Variants in SYNE1 observed in about 807,000 individuals in gnomAD.
SYNE1 encodes nesprin-1.
SYNE1 carries 616 observed loss-of-function variants against 1,111.0 expected under a neutral mutation model. That is an observed-to-expected ratio of 0.55 (90% CI 0.52 to 0.59). The LOEUF is 0.59. Among genes scored for constraint, SYNE1 ranks in the 20% least tolerant of loss-of-function variants. The pLI, the probability that SYNE1 is intolerant of heterozygous loss-of-function variation, is 0.00. For synonymous variants in SYNE1, 3,855 were observed against 3,825.8 expected (o/e 1.01, Z -0.28); for missense variants, 10,006 against 10,417.0 (o/e 0.96, Z 1.72).
chr6:152,513,449 G>A (rs937054442), intron 6 of SYNE1, among the ~76,000 whole-genome samples: 4 of 152,134 alleles, frequency 2.6e-5, no homozygotes, highest in Middle Eastern at 3.4e-3. Flanking sequence ...AGGTTCAAGC[G>A]ATTCTCCTGC....
chr6:152,159,932 G>A (rs778750019), intron 131 of SYNE1, among the ~76,000 whole-genome samples: 10 of 151,934 alleles, frequency 6.6e-5, no homozygotes, highest in Non-Finnish European at 1.0e-4. Context: ...TTAGAGCTAG[G>A]GTAATAATCA....
chr6:152,208,162 TG>T lies in SYNE1; in HGVS notation c.22633del (p.Gln7545ArgfsTer3). 6.2e-7 allele frequency: 1 copy of T among 1,614,106 alleles called. No homozygotes were observed. Among genetic ancestry groups the T allele is most frequent in the East Asian group, 2.2e-5 (1 of 44,868 alleles). On this transcript the variant is annotated frameshift_variant, in exon 125 of 146. Coordinates refer to ENST00000367255, the MANE Select transcript of SYNE1 (RefSeq NM_182961.4). LOFTEE classifies it high-confidence loss of function. Reference protein sequence around the residue: ...LKLTLLSNQWQGVIRRAQQRR... With the variant: ...LKLTLLSNQWXGVIRRAQQRR... ...CTGCTGGGCCCTGCGAATCACTCCC[TG>T]CCATTGATTACTGAGGAGTGTCAAT...
chr6:152,399,948 T>A, intron 47 of SYNE1, 125 bp from the exon 48 acceptor site: 1 of 1,113,944 alleles, frequency 9.0e-7, no homozygotes, highest in South Asian at 1.4e-5. Flanking sequence ...GGTGTATACA[T>A]TTTGGTGCGT....
chr6:152,271,349 G>A (rs964387073), intron 98 of SYNE1, among the ~76,000 whole-genome samples: 1 of 152,152 alleles, frequency 6.6e-6, no homozygotes, highest in Non-Finnish European at 1.5e-5. Context: ...GTAGGTAATA[G>A]TATATAAAAC....
intron 32 of SYNE1, among the ~76,000 whole-genome samples, chr6:152,439,796 A>G (rs921394730): frequency 1.3e-5 from 2 of 152,154 alleles, no homozygotes; most frequent in African/African-American, 4.8e-5. Context: ...CTACTAATTC[A>G]GTCTTTCTAT....
chr6:152,271,300 C>T (rs536468118), intron 98 of SYNE1, among the ~76,000 whole-genome samples: 4 of 152,186 alleles, frequency 2.6e-5, no homozygotes, highest in East Asian at 1.9e-4. Context: ...CTTTGCAAGG[C>T]GGTGTCGGTG....
At chr6:152,513,674 T>C (rs566955334) in intron 6 of SYNE1, among the ~76,000 whole-genome samples, 1 of 152,034 alleles carries the variant, frequency 6.6e-6, no homozygotes, top group Non-Finnish European at 1.5e-5. Context: ...AGAAAAACTA[T>C]CATCAGAGTG....
chr6:152,123,863 T>C (rs572083853), intron 145 of SYNE1, among the ~76,000 whole-genome samples: 5 of 152,208 alleles, frequency 3.3e-5, no homozygotes, highest in Admixed American at 6.5e-5. Flanking sequence ...AAGAAAGCAC[T>C]ATGTTTGTAG....
In SYNE1 at chr6:152,281,878, C is replaced by A. The variant is rs1438208105; in HGVS notation, c.18310G>T (p.Ala6104Ser). The change falls in exon 97 of 146, where the codon GCC (alanine) becomes TCC (serine). Residue 6104 changes from alanine (A) to serine (S), a missense_variant. By Grantham distance (99) the Ala-to-Ser change is moderately conservative. This residue lies in a region of SYNE1 where 99 missense variants were observed against 147.8 expected (regional missense o/e 0.67). Transcript: ENST00000367255. ...ELDSWLLSTK[A>S]TLDTALSPPK... is the part of the protein sequence containing the mutation. The stretch of plus-strand genomic sequence containing the variant: ...GGACTCAGCGCAGTGTCCAGAGTGG[C>A]CTTGGTACTCAAGAGCCAGCTGTCC... 1.2e-6 allele frequency: 2 copies of A among 1,614,046 alleles called. No homozygotes were observed. The highest frequency in any genetic ancestry group is 2.2e-5 in the South Asian group (2 of 91,076).
At chr6:152,218,624 A>G (rs1235616330) in intron 120 of SYNE1, among the ~76,000 whole-genome samples, 23 of 152,246 alleles carry the variant, frequency 1.5e-4, no homozygotes, top group Admixed American at 1.4e-3. Flanking sequence ...CCATAAGTCA[A>G]TAACAATTCA....
chr6:152,234,082 ACACT>A, intron 111 of SYNE1, 119 bp from the exon 112 acceptor site: 1 of 1,087,390 alleles, frequency 9.2e-7, no homozygotes, highest in South Asian at 1.3e-5. Flanking sequence ...GTTATGCTGA[ACACT>A]CAAAAGAAAA....
Position 152,122,296 on chromosome 6 carries a change from C to T in SYNE1, c.*140G>A, listed in dbSNP as rs534516014. On this transcript the variant is annotated 3_prime_UTR_variant, in exon 146 of 146. Transcript: ENST00000367255. ...CACCTCTGAAGCCATAATTTGCACACATGTGATCTGGAGGAGGGCTAAAGC... is the reference window on the plus strand; with the variant it reads ...CACCTCTGAAGCCATAATTTGCACATATGTGATCTGGAGGAGGGCTAAAGC... The T allele has an allele frequency of 3.7e-5, 49 of 1,339,646 alleles. 1 individual carries two copies. Among genetic ancestry groups the T allele is most frequent in the African/African-American group, 3.0e-4 (21 of 69,692 alleles). 83.0% of individuals were successfully genotyped at this position (1,339,646 alleles called of 1,614,324 possible).
intron 141 of SYNE1, 143 bp from the exon 142 acceptor site, chr6:152,135,375 C>T: frequency 1.1e-6 from 1 of 887,568 alleles, no homozygotes; most frequent in South Asian, 1.6e-5. Flanking sequence ...GGCACTGGTG[C>T]TGTTGTAATG....
At position 152,213,625 on chromosome 6, in the gene SYNE1, T is replaced by C. The variant is rs2077979931; in HGVS notation, c.22481A>G (p.Gln7494Arg). 1 of 1,614,120 alleles carries C rather than the reference T, an allele frequency of 6.2e-7. No homozygotes were observed. The highest frequency in any genetic ancestry group is 8.5e-7 in the Non-Finnish European group (1 of 1,179,986). ...GATACAACTTACCTCGTGTGCTCTC[T>C]GCTGTTCCAAAAGGTGCTGATAATT... ...SGNYQHLLEQ[Q>R]RAHELFQAEM... The change falls in exon 123 of 146, where the codon CAG becomes CGG. Residue 7494 changes from glutamine to arginine, a missense_variant. Transcript: ENST00000367255.
chr6:152,466,735 T>C (rs916288121), intron 16 of SYNE1, among the ~76,000 whole-genome samples: 52 of 152,088 alleles, frequency 3.4e-4, no homozygotes, highest in African/African-American at 1.2e-3. Context: ...CTTAGGTAAA[T>C]GTTATTATTG....
intron 63 of SYNE1, among the ~76,000 whole-genome samples, 161 bp downstream of exon 63, chr6:152,364,686 G>GAGCAAGGA (rs1554548787): frequency 9.3e-6 from 1 of 108,012 alleles, no homozygotes. Context: ...AAGGAGGAAG[G>GAGCAAGGA]AGGAAGGAAG....
intron 5 of SYNE1, 127 bp downstream of exon 5, chr6:152,525,953 A>G (rs530847472): frequency 1.1e-5 from 9 of 828,488 alleles, no homozygotes; most frequent in Non-Finnish European, 1.8e-5. Flanking sequence ...TGTTTCCAGT[A>G]TACTACCAAC....
At chr6:152,583,749 G>T (rs1399444243) in intron 3 of SYNE1, among the ~76,000 whole-genome samples, 1 of 152,182 alleles carries the variant, frequency 6.6e-6, no homozygotes, top group Non-Finnish European at 1.5e-5. Context: ...CATTGGAAGA[G>T]AGCACTATGC....
intron 131 of SYNE1, among the ~76,000 whole-genome samples, chr6:152,157,890 C>G (rs1221977477): frequency 6.6e-6 from 1 of 151,886 alleles, no homozygotes; most frequent in African/African-American, 2.4e-5. Flanking sequence ...TCCTGAGTAG[C>G]TGGGATTACA....
Sources: allele counts gnomAD v4.1 joint callset (sites outside exome capture counted in the v4.1 genomes callset), GRCh38; gene constraint gnomAD v4.1.1; regional missense constraint gnomAD v4.1.1; transcripts MANE v1.5; gene names NCBI Gene and HGNC (gene_info 2026-07-23, HGNC 2026-07-21).